NLN: variants seen among roughly 807,000 people sequenced by gnomAD.
NLN encodes the protein neurolysin, mitochondrial.
In NLN, 64 loss-of-function variants were observed where a neutral mutation model predicts 79.9. That is an observed-to-expected ratio of 0.80 (90% confidence interval 0.65 to 0.99). The LOEUF (loss-of-function observed/expected upper bound fraction) is 0.99. Among genes scored for constraint, NLN ranks in the 50% least tolerant of loss-of-function variants. NLN has a pLI of 0.00. For missense variants in NLN, 835 were observed against 858.7 expected, an observed-to-expected ratio of 0.97 and a Z score of 0.34; for synonymous variants, 267 against 296.6, an observed-to-expected ratio of 0.90 and a Z score of 1.02.
rs952226424 is a variant in NLN, at chr5:65,773,518, G to T, written c.451-3909G>T. Among the ~76,000 whole-genome samples, 4 of 152,174 alleles carry T rather than the reference G, an allele frequency of 2.6e-5. 1 individual carries two copies. Among genetic ancestry groups the T allele is most frequent in the Admixed American group, 2.0e-4 (3 of 15,274 alleles). ...TTAACGGCATTGTAATTTCTCCTTTGTATAATACAGAAAATCCCACTGGAA... is the reference window on the plus strand; with the variant it reads ...TTAACGGCATTGTAATTTCTCCTTTTTATAATACAGAAAATCCCACTGGAA... On this transcript the variant is annotated intron_variant, in intron 3 of 12. Coordinates refer to ENST00000380985, the MANE Select transcript of NLN (RefSeq NM_020726.5).
intron 6 of NLN, 108 bp downstream of exon 6, chr5:65,781,529 G>A (rs1407650515): frequency 2.6e-5 from 20 of 783,826 alleles, no homozygotes; most frequent in Non-Finnish European, 2.6e-5. Flanking sequence ...ATTCCTGTGT[G>A]TGCACTGTAT....
Position 65,824,070 on chromosome 5 carries a change from C to G in NLN, c.*1155C>G, listed in dbSNP as rs1029570410. 1.3e-5 allele frequency: 2 copies of G among 151,984 alleles called. No individual in the cohort carries two copies. The highest frequency in any genetic ancestry group is 4.8e-5 in the African/African-American group (2 of 41,350). 9.4% of individuals were successfully genotyped at this position (151,984 alleles called of 1,614,324 possible). On this transcript the variant is annotated 3_prime_UTR_variant, in exon 13 of 13. Transcript: ENST00000380985. Reference sequence around the variant, plus strand: ...GTGAGTCTAAATTCCAATTCTGCAGCAGATCAGTAAACTCACAGTATTTTT... The same window carrying G: ...GTGAGTCTAAATTCCAATTCTGCAGGAGATCAGTAAACTCACAGTATTTTT...
chr5:65,734,782 A>G (rs961902086), intron 1 of NLN, among the ~76,000 whole-genome samples: 1 of 152,230 alleles, frequency 6.6e-6, no homozygotes, highest in East Asian at 1.9e-4. Context: ...ACAATGTATA[A>G]GGTCCATACT....
chr5:65,760,434 G>A (rs372277341), intron 2 of NLN, among the ~76,000 whole-genome samples: 6 of 152,288 alleles, frequency 3.9e-5, no homozygotes, highest in African/African-American at 9.6e-5. Context: ...CTTCATGTGC[G>A]TGTACCATCC....
rs987073618 is a variant in NLN, at chr5:65,826,140, A to G, written c.*3225A>G. On this transcript the variant is annotated 3_prime_UTR_variant, in exon 13 of 13. Coordinates refer to ENST00000380985, the MANE Select transcript of NLN (RefSeq NM_020726.5). ...AAAAGTGTCAGGTAGACATGTTACA[A>G]ATAGCTCTGTAGAGAGCCATGGGAA... The G allele has an allele frequency of 3.3e-5, 5 of 152,184 alleles. No homozygotes were observed. Among genetic ancestry groups the G allele is most frequent in the African/African-American group, 4.8e-5 (2 of 41,430 alleles). 9.4% of individuals were successfully genotyped at this position (152,184 alleles called of 1,614,324 possible). A position where few individuals can be genotyped will look rare whatever the true frequency, so the allele number is the denominator to read the frequency against.
intron 1 of NLN, among the ~76,000 whole-genome samples, chr5:65,734,541 G>GA (rs35225716): frequency 0.5 from 50,707 of 100,458 alleles, 14,880 homozygotes; most frequent in South Asian, 0.59. Context: ...AACCTGAATG[G>GA]AAAAAAAAAA....
At chr5:65,752,471 C>T (rs1443687338) in intron 1 of NLN, among the ~76,000 whole-genome samples, 1 of 152,168 alleles carries the variant, frequency 6.6e-6, no homozygotes, top group Admixed American at 6.5e-5. Flanking sequence ...TGCCGTTTGT[C>T]TGCTTTTGAC....
At chr5:65,750,603 C>G (rs1189163346) in intron 1 of NLN, among the ~76,000 whole-genome samples, 2 of 152,184 alleles carry the variant, frequency 1.3e-5, no homozygotes, top group Non-Finnish European at 2.9e-5. Context: ...GTAATCCCAG[C>G]TACTTGGGAG....
At chr5:65,729,025 G>A (rs1467606908) in intron 1 of NLN, among the ~76,000 whole-genome samples, 1 of 152,106 alleles carries the variant, frequency 6.6e-6, no homozygotes, top group Non-Finnish European at 1.5e-5. Flanking sequence ...TGTATTTCTT[G>A]TAGAGACAGG....
chr5:65,788,345 A>G lies in NLN; in HGVS notation c.1186A>G (p.Thr396Ala), dbSNP rs1166663315. Residue 396 changes from threonine to alanine, a missense_variant, in exon 8 of 13, where the codon ACC (threonine) becomes GCC (alanine). Thr to Ala is a moderately conservative substitution (Grantham distance 58). Transcript: ENST00000380985. ...GGTGGTCACTGAAGGCTTGCTGAAC[A>G]CCTACCAGGAGTTGTTGGGACTTTC... Reference protein sequence around the residue: ...IEVVTEGLLNTYQELLGLSFE... With the variant: ...IEVVTEGLLNAYQELLGLSFE... 1 of 1,614,150 alleles carries G rather than the reference A, an allele frequency of 6.2e-7. No homozygotes were observed.
intron 2 of NLN, among the ~76,000 whole-genome samples, chr5:65,761,642 TAAA>T (rs1432791087): frequency 6.6e-6 from 1 of 152,216 alleles, no homozygotes; most frequent in Non-Finnish European, 1.5e-5. Flanking sequence ...TAGTATCACT[TAAA>T]TAAGTGCTGT....
Position 65,744,985 on chromosome 5 carries a change from G to C in NLN, c.42-13582G>C, listed in dbSNP as rs1358344500. 4.6e-5 allele frequency among the ~76,000 whole-genome samples: 7 copies of C among 152,320 alleles called. No homozygotes were observed. In the South Asian group the frequency reaches 1.4e-3, roughly 32 times the overall value. ...ATTTGCCATTTCCTGGGAGTACACTGTTTCCAAGTGATTTATTGATTACCT... is the reference window on the plus strand; with the variant it reads ...ATTTGCCATTTCCTGGGAGTACACTCTTTCCAAGTGATTTATTGATTACCT... On this transcript the variant is annotated intron_variant, in intron 1 of 12. Coordinates refer to ENST00000380985, the MANE Select transcript of NLN (RefSeq NM_020726.5).
intron 9 of NLN, chr5:65,793,788 A>G (rs576347967): frequency 3.0e-4 from 46 of 152,356 alleles, no homozygotes; most frequent in African/African-American, 1.1e-3. Context: ...TTAGATTCAT[A>G]GAAAACTTGC....
At chr5:65,743,241 G>C (rs905574992) in intron 1 of NLN, among the ~76,000 whole-genome samples, 5 of 152,132 alleles carry the variant, frequency 3.3e-5, no homozygotes, top group Admixed American at 3.3e-4. Flanking sequence ...TATTTACTAA[G>C]CACCAGGGAC....
intron 1 of NLN, among the ~76,000 whole-genome samples, chr5:65,750,005 C>T (rs992519596): frequency 2.0e-5 from 3 of 152,144 alleles, no homozygotes; most frequent in Non-Finnish European, 2.9e-5. Flanking sequence ...ATGAGTTCTC[C>T]CTTCCTCTGT....
intron 9 of NLN, among the ~76,000 whole-genome samples, chr5:65,800,156 T>C (rs7731442): frequency 0.016 from 2,439 of 152,350 alleles, 75 homozygotes; most frequent in African/African-American, 0.055. Context: ...CACTTAGTTG[T>C]AGCCATTAAA....
chr5:65,754,385 G>A (rs1759172978), intron 1 of NLN, among the ~76,000 whole-genome samples: 1 of 152,166 alleles, frequency 6.6e-6, no homozygotes, highest in Non-Finnish European at 1.5e-5. Flanking sequence ...CCAAGCAAGA[G>A]TACTGAGGGT....
chr5:65,777,906 ACTC>A (rs372295519), intron 4 of NLN, among the ~76,000 whole-genome samples: 34 of 152,260 alleles, frequency 2.2e-4, no homozygotes, highest in African/African-American at 5.8e-4. Flanking sequence ...AAATTCTACA[ACTC>A]CTGTTAACCT....
At chr5:65,743,772 C>T (rs1300135162) in intron 1 of NLN, among the ~76,000 whole-genome samples, 1 of 152,178 alleles carries the variant, frequency 6.6e-6, no homozygotes, top group East Asian at 1.9e-4. Context: ...AAATTTCCAA[C>T]CCAATTAAAC....
Sources: gnomAD v4.1 joint callset for allele counts (sites outside exome capture counted in the v4.1 genomes callset) on GRCh38, gnomAD v4.1.1 for gene constraint, MANE v1.5 for transcripts, NCBI Gene and HGNC (gene_info 2026-07-23, HGNC 2026-07-21) for gene names.